Variants in ABCC10 observed in about 807,000 individuals in gnomAD.
ABCC10 encodes ATP binding cassette subfamily C member 10, also known as ATP-binding cassette sub-family C member 10.
A neutral mutation model predicts 143.2 loss-of-function variants in ABCC10; 110 were observed. That is an observed-to-expected ratio of 0.77 (90% confidence interval 0.66 to 0.90). The LOEUF (loss-of-function observed/expected upper bound fraction) is 0.90. Among genes scored for constraint, ABCC10 ranks in the 40% least tolerant of loss-of-function variants. ABCC10 has a pLI of 0.00. For missense variants in ABCC10, 1,700 were observed against 1,900.5 expected, an observed-to-expected ratio of 0.89 and a Z score of 1.96; for synonymous variants, 805 against 846.7, an observed-to-expected ratio of 0.95 and a Z score of 0.85.
chr6:43,445,576 C>A, intron 14 of ABCC10, 23 bp from the exon 15 acceptor site: 1 of 1,601,808 alleles, frequency 6.2e-7, no homozygotes, highest in Non-Finnish European at 8.5e-7. Flanking sequence ...TCTGCCCTGG[C>A]CCAATCAGCG....
At chr6:43,434,049 T>C (rs1781415965) in intron 3 of ABCC10, among the ~76,000 whole-genome samples, 1 of 152,262 alleles carries the variant, frequency 6.6e-6, no homozygotes, top group African/African-American at 2.4e-5. Flanking sequence ...TAGATGGTTA[T>C]GGCATGAGGC....
At chr6:43,434,889 T>C (rs755464115) in intron 4 of ABCC10, 41 bp downstream of exon 4, 1 of 1,591,898 alleles carries the variant, frequency 6.3e-7, no homozygotes, top group South Asian at 1.1e-5. Context: ...CAAGGAGACT[T>C]CAGCGAAGTG....
At chr6:43,450,736 C>A (rs1446667207), downstream of ABCC10, 3 of 1,614,184 alleles carry the variant, frequency 1.9e-6, no homozygotes, top group Non-Finnish European at 2.5e-6. This position sits in a 1 kb window ranked among gnomAD's most constrained non-coding sequence, Gnocchi z 4.5. Flanking sequence ...AGAACCAGGG[C>A]AGCAGTGAGG....
At chr6:43,434,204 AGCCGGGG>A (rs1781441259) in intron 3 of ABCC10, among the ~76,000 whole-genome samples, 2 of 152,246 alleles carry the variant, frequency 1.3e-5, no homozygotes, top group South Asian at 4.1e-4. Context: ...GTGCCACTCA[AGCCGGGG>A]GCCGGAACTG....
chr6:43,444,615 A>C (rs1011683234), intron 12 of ABCC10, among the ~76,000 whole-genome samples, 173 bp from the exon 13 acceptor site: 1 of 152,158 alleles, frequency 6.6e-6, no homozygotes. Flanking sequence ...TGACGGGCCT[A>C]TGAGAGAAGC....
At chr6:43,441,763 C>T (rs1782498352) in intron 8 of ABCC10, 99 bp from the exon 9 acceptor site, 1 of 941,800 alleles carries the variant, frequency 1.1e-6, no homozygotes, top group Non-Finnish European at 1.6e-6. Flanking sequence ...CCTCAAGCTC[C>T]CTACTTCTCT....
At chr6:43,436,802 G>C (rs374127123) in intron 6 of ABCC10, among the ~76,000 whole-genome samples, 2 of 152,128 alleles carry the variant, frequency 1.3e-5, no homozygotes, top group Admixed American at 6.5e-5. Context: ...AGCTCAACCC[G>C]GCATTCTCTG....
chr6:43,427,649 C>G lies in ABCC10; in HGVS notation c.-120C>G. 1 of 383,404 alleles carries G rather than the reference C, an allele frequency of 2.6e-6. No individual in the cohort carries two copies. The highest frequency in any genetic ancestry group is 4.9e-6 in the Non-Finnish European group (1 of 205,760). 23.8% of individuals were successfully genotyped at this position (383,404 alleles called of 1,614,324 possible). A position where few individuals can be genotyped will look rare whatever the true frequency, so the allele number is the denominator to read the frequency against. On this transcript the variant is annotated 5_prime_UTR_variant, in exon 1 of 22. Coordinates refer to ENST00000372530, the MANE Select transcript of ABCC10 (RefSeq NM_001198934.2). ...CCGGGCAGTACTTTTTTTTTTTTTG[C>G]ATACACCAGTTCTCAGGATATCGGA...
intron 18 of ABCC10, 47 bp downstream of exon 18, chr6:43,447,984 T>A: frequency 6.2e-7 from 1 of 1,603,294 alleles, no homozygotes; most frequent in Non-Finnish European, 8.5e-7. Flanking sequence ...CCAGAACTAC[T>A]GGCACTTAGA....
Position 43,447,835 on chromosome 6 carries a change from A to G in ABCC10, c.3857A>G (p.Lys1286Arg). ...ATCGTGGGCCGCACAGGCTCCGGCA[A>G]GTCTTCCCTGTTGTTGGTGCTCTTC... Reference protein sequence around the residue: ...LGIVGRTGSGKSSLLLVLFRL... With the variant: ...LGIVGRTGSGRSSLLLVLFRL... Residue 1286 changes from lysine (K) to arginine (R), a missense_variant, in exon 18 of 22, where the codon AAG becomes AGG. Physicochemically the swap from Lys to Arg is conservative, Grantham distance 26. Transcript: ENST00000372530. 6.2e-7 allele frequency: 1 copy of G among 1,613,834 alleles called. No homozygotes were observed. Among genetic ancestry groups the G allele is most frequent in the Non-Finnish European group, 8.5e-7 (1 of 1,180,028 alleles).
At chr6:43,451,628 G>T (rs529159888), downstream of ABCC10, among the ~76,000 whole-genome samples, 3 of 152,206 alleles carry the variant, frequency 2.0e-5, no homozygotes, top group South Asian at 4.1e-4. This position sits in a 1 kb window ranked among gnomAD's most constrained non-coding sequence, Gnocchi z 4.4. Context: ...GTGCAAGCCA[G>T]CGTTCAGGAG....
At position 43,448,963 on chromosome 6, in the gene ABCC10, A is replaced by G. The variant is rs1189581538; in HGVS notation, c.4042A>G (p.Lys1348Glu). 1.2e-6 allele frequency: 2 copies of G among 1,614,164 alleles called. No homozygotes were observed. The highest frequency in any genetic ancestry group is 3.3e-5 in the Admixed American group (2 of 60,026). Residue 1348 changes from lysine (K) to glutamate (E), a missense_variant, in exon 19 of 22, where the codon AAG becomes GAG. Coordinates refer to ENST00000372530, the MANE Select transcript of ABCC10 (RefSeq NM_001198934.2). ...AAACCTGGACCCCCAGGGCCTACAT[A>G]AGGACAGGGCCTTGTGGCAGGCCCT... The part of the protein sequence containing the change: ...RENLDPQGLH[K>E]DRALWQALKQ...
At chr6:43,439,640 G>A (rs1475222186) in intron 8 of ABCC10, among the ~76,000 whole-genome samples, 1 of 152,150 alleles carries the variant, frequency 6.6e-6, no homozygotes, top group African/African-American at 2.4e-5. Context: ...CTGGAGTGCA[G>A]TGGCACAATC....
In ABCC10 at chr6:43,432,693, G is replaced by T; in HGVS notation, c.713G>T (p.Cys238Phe). 1 of 1,614,078 alleles carries T rather than the reference G, an allele frequency of 6.2e-7. No individual in the cohort carries two copies. Among genetic ancestry groups the T allele is most frequent in the Non-Finnish European group, 8.5e-7 (1 of 1,180,020 alleles). ...GCACCCTTGCTGGCCCGTGGGGCCTGTGGAGAGCTCCGGCAGCCTCAGGAC... is the reference window on the plus strand; with the variant it reads ...GCACCCTTGCTGGCCCGTGGGGCCTTTGGAGAGCTCCGGCAGCCTCAGGAC... Reference protein sequence around the residue: ...WLAPLLARGACGELRQPQDIC... With the variant: ...WLAPLLARGAFGELRQPQDIC... Residue 238 changes from cysteine (C) to phenylalanine (F), a missense_variant, in exon 3 of 22, where the codon TGT (cysteine) becomes TTT (phenylalanine). By Grantham distance (205) the Cys-to-Phe change is radical. Transcript: ENST00000372530.
intron 7 of ABCC10, 155 bp from the exon 8 acceptor site, chr6:43,438,469 C>G (rs753772802): frequency 2.1e-6 from 3 of 1,439,038 alleles, no homozygotes; most frequent in Non-Finnish European, 2.7e-6. Flanking sequence ...CATTAGGACC[C>G]CTTGACCTCA....
chr6:43,444,083 C>T (rs1782761300), intron 11 of ABCC10, 73 bp downstream of exon 11: 1 of 1,608,620 alleles, frequency 6.2e-7, no homozygotes, highest in Admixed American at 1.7e-5. Flanking sequence ...ACAACGGCTG[C>T]CCGCTCCTCT....
rs768601134 is a variant in ABCC10 at position 43,432,127 on chromosome 6, C to T, written c.162-15C>T. 6 of 1,611,310 alleles carry T rather than the reference C, an allele frequency of 3.7e-6. No individual in the cohort carries two copies. Among genetic ancestry groups the T allele is most frequent in the Non-Finnish European group, 5.1e-6 (6 of 1,178,144 alleles). On this transcript the variant is annotated splice_polypyrimidine_tract_variant and intron_variant, in intron 2 of 21. Coordinates refer to ENST00000372530, the MANE Select transcript of ABCC10 (RefSeq NM_001198934.2). ...CAGCCACGATGTGCCTCCTTGTCTT[C>T]CCCCTTGTCCCCAGGAGTCCAGATT...
At chr6:43,440,728 C>G (rs2794264) in intron 8 of ABCC10, among the ~76,000 whole-genome samples, 105,139 of 151,740 alleles carry the variant, frequency 0.69, 37,076 homozygotes, top group Non-Finnish European at 0.77. Flanking sequence ...TGGGCGTGGT[C>G]GTGGGCACCT....
At position 43,447,348 on chromosome 6, in the gene ABCC10, C is replaced by T. The variant is rs544229415; in HGVS notation, c.3645C>T (p.Val1215=). The change falls in exon 17 of 22, where the codon GTC becomes GTT. Residue 1215 remains valine, a synonymous_variant. Transcript: ENST00000372530. ...AGACAGAGGCCATGCTGGTGAGCGT[C>T]GAGCGGCTGGAAGAGTACACCTGTG... is the stretch of plus-strand genomic sequence containing the variant. ...FTQTEAMLVS[V]ERLEEYTCDL... The T allele has an allele frequency of 1.4e-5, 23 of 1,613,316 alleles. No individual in the cohort carries two copies. Among genetic ancestry groups the T allele is most frequent in the East Asian group, 6.7e-5 (3 of 44,870 alleles).
Sources: allele counts gnomAD v4.1 joint callset (sites outside exome capture counted in the v4.1 genomes callset), GRCh38; gene constraint gnomAD v4.1.1; non-coding constraint Gnocchi (gnomAD v3.1); transcripts MANE v1.5; gene names NCBI Gene and HGNC (gene_info 2026-07-23, HGNC 2026-07-21).